Variants in USP34 observed in about 807,000 individuals in gnomAD.
USP34 encodes the protein ubiquitin carboxyl-terminal hydrolase 34.
Under a neutral mutation model 460.3 loss-of-function variants are expected in USP34, and 70 were observed. The observed-to-expected ratio is 0.15, with a 90% CI of 0.13 to 0.19. USP34 has a LOEUF of 0.19. USP34 is among the 10% of genes least tolerant of loss of function. The pLI, the probability that USP34 is intolerant of heterozygous loss-of-function variation, is 1.00. For missense variants in USP34, 3,985 were observed against 4,236.2 expected (o/e 0.94, Z 1.65); for synonymous variants, 1,647 against 1,405.3 (o/e 1.17, Z -3.85).
At chr2:61,436,140 C>A (rs1694806702) in intron 1 of USP34, among the ~76,000 whole-genome samples, 1 of 152,036 alleles carries the variant, frequency 6.6e-6, no homozygotes, top group East Asian at 1.9e-4. Context: ...CAGAGCCTGG[C>A]CAACATGACA....
chr2:61,441,183 A>C, intron 1 of USP34, among the ~76,000 whole-genome samples: 1 of 148,396 alleles, frequency 6.7e-6, no homozygotes, highest in Non-Finnish European at 1.5e-5. Context: ...TCTGTGGCCC[A>C]GGCTAGAGTG....
chr2:61,268,425 C>T (rs1358433176), intron 41 of USP34, among the ~76,000 whole-genome samples: 1 of 106,272 alleles, frequency 9.4e-6, no homozygotes, highest in African/African-American at 3.8e-5. Flanking sequence ...TGAGTTCATG[C>T]AAGAGCTGTT....
chr2:61,268,961 CTAAA>C (rs1409696304), intron 41 of USP34, among the ~76,000 whole-genome samples: 4 of 151,904 alleles, frequency 2.6e-5, no homozygotes, highest in Middle Eastern at 3.4e-3. Context: ...AATGTAATAA[CTAAA>C]TATAGAAGAA....
chr2:61,430,010 G>A (rs566965035), intron 1 of USP34, among the ~76,000 whole-genome samples: 11 of 152,222 alleles, frequency 7.2e-5, no homozygotes, highest in East Asian at 1.9e-4. Flanking sequence ...TCAGGAGATC[G>A]AGACCATCCT....
chr2:61,205,519 GA>G (rs892090703), intron 72 of USP34, among the ~76,000 whole-genome samples: 11 of 149,732 alleles, frequency 7.3e-5, no homozygotes, highest in African/African-American at 1.7e-4. Flanking sequence ...CTAATGTAGT[GA>G]AAAAAAAATC....
intron 3 of USP34, among the ~76,000 whole-genome samples, chr2:61,395,764 C>T (rs1228346270): frequency 2.6e-5 from 3 of 113,490 alleles, no homozygotes; most frequent in African/African-American, 1.1e-4. Flanking sequence ...CCCGCCTGGG[C>T]GACAGAACGA....
At chr2:61,242,983 C>T (rs1310806971) in intron 51 of USP34, among the ~76,000 whole-genome samples, 1 of 151,804 alleles carries the variant, frequency 6.6e-6, no homozygotes, top group Non-Finnish European at 1.5e-5. Context: ...GCTGGGATTA[C>T]AGGTGCCCGC....
chr2:61,317,565 A>T, intron 23 of USP34, 89 bp downstream of exon 23: 2 of 1,182,528 alleles, frequency 1.7e-6, no homozygotes, highest in South Asian at 1.4e-5. Context: ...AGTAAATTCT[A>T]TACTTTGTAG....
chr2:61,396,424 C>G (rs779892548), intron 3 of USP34, among the ~76,000 whole-genome samples: 2 of 152,040 alleles, frequency 1.3e-5, no homozygotes, highest in African/African-American at 2.4e-5. Context: ...GCTCATTAAC[C>G]CACAATTAGA....
At chr2:61,417,084 C>T in intron 2 of USP34, 1 of 1,426,082 alleles carries the variant, frequency 7.0e-7, no homozygotes, top group Non-Finnish European at 9.8e-7. Context: ...GGACCTCAAT[C>T]ACATGCGCCT....
chr2:61,337,831 G>C (rs897479768), intron 18 of USP34, among the ~76,000 whole-genome samples: 2 of 152,090 alleles, frequency 1.3e-5, no homozygotes, highest in African/African-American at 4.8e-5. Flanking sequence ...ATTTTGTTAG[G>C]CATATACTTA....
chr2:61,396,297 G>A (rs548666981), intron 3 of USP34, among the ~76,000 whole-genome samples: 5 of 152,206 alleles, frequency 3.3e-5, no homozygotes, highest in East Asian at 1.9e-4. Context: ...CTTTTTGGAA[G>A]GCTATTTGGC....
intron 16 of USP34, among the ~76,000 whole-genome samples, chr2:61,343,447 A>G (rs1691666870): frequency 6.6e-6 from 1 of 152,200 alleles, no homozygotes; most frequent in South Asian, 2.1e-4. Context: ...CATATCATAT[A>G]AATGGAATCA....
At chr2:61,395,881 C>T (rs1352756888) in intron 3 of USP34, among the ~76,000 whole-genome samples, 1 of 148,424 alleles carries the variant, frequency 6.7e-6, no homozygotes, top group East Asian at 2.0e-4. Flanking sequence ...GCCTGACCAA[C>T]ATGGTAAAAC....
At chr2:61,449,022 C>T (rs959647906) in intron 1 of USP34, among the ~76,000 whole-genome samples, 16 of 151,974 alleles carry the variant, frequency 1.1e-4, no homozygotes, top group African/African-American at 2.7e-4. Flanking sequence ...GGTGTGGTGG[C>T]GCATGCCTGT....
chr2:61,470,522 G>T (rs1695922798), intron 1 of USP34, 128 bp downstream of exon 1: 1 of 377,112 alleles, frequency 2.7e-6, no homozygotes, highest in Non-Finnish European at 4.6e-6. Flanking sequence ...CCTTCCCGGG[G>T]CGCTAGGCCC....
At chr2:61,451,902 G>A (rs576892719) in intron 1 of USP34, among the ~76,000 whole-genome samples, 7 of 152,238 alleles carry the variant, frequency 4.6e-5, no homozygotes, top group East Asian at 1.9e-4. Context: ...AAAGCCGGGC[G>A]CAGTGGCTCA....
chr2:61,263,461 G>A lies in USP34; in HGVS notation c.5778+1936C>T, dbSNP rs140491421. ...CTTCCAAAGTGCTGGGATTACAGGC[G>A]TGAGCTACTGCGCCTGGCCAAAGGC... is the stretch of plus-strand genomic sequence containing the variant. On this transcript the variant is annotated intron_variant, in intron 43 of 79. Transcript: ENST00000398571. Among the ~76,000 whole-genome samples the A allele has an allele frequency of 9.9e-3, 1,490 of 151,124 alleles. 19 individuals are homozygous for A. Among genetic ancestry groups the A allele is most frequent in the African/African-American group, 0.033 (1,352 of 41,120 alleles).
chr2:61,283,105 T>C (rs1489702940), intron 37 of USP34, 40 bp downstream of exon 37: 1 of 1,593,436 alleles, frequency 6.3e-7, no homozygotes, highest in South Asian at 1.1e-5. Context: ...CATGAAAACA[T>C]ACAAAAAATA....
Sources: gnomAD v4.1 joint callset for allele counts (sites outside exome capture counted in the v4.1 genomes callset) on GRCh38, gnomAD v4.1.1 for gene constraint, MANE v1.5 for transcripts, NCBI Gene and HGNC (gene_info 2026-07-23, HGNC 2026-07-21) for gene names.